The following EXD3 variants were observed in gnomAD, a reference collection of about 807,000 sequenced individuals.
EXD3 encodes the protein exonuclease mut-7 homolog.
A neutral mutation model predicts 98.0 loss-of-function variants in EXD3; 92 were observed. That is an observed-to-expected ratio of 0.94 (90% CI 0.79 to 1.12). The LOEUF is 1.12. Ranked by LOEUF, EXD3 falls within the 50% of genes most tolerant of loss-of-function variation. The pLI is 0.00. For missense variants in EXD3, 1,222 were observed against 1,191.6 expected (o/e 1.03, Z -0.38); for synonymous variants, 569 against 526.0 (o/e 1.08, Z -1.12).
At chr9:137,368,501 G>A (rs978714090) in intron 5 of EXD3, among the ~76,000 whole-genome samples, 3 of 152,190 alleles carry the variant, frequency 2.0e-5, no homozygotes, top group South Asian at 2.1e-4. Context: ...CCCCGCGAGC[G>A]CTCCAAGGCC....
intron 1 of EXD3, among the ~76,000 whole-genome samples, chr9:137,413,870 T>G (rs1016509642): frequency 1.1e-4 from 17 of 151,918 alleles, no homozygotes; most frequent in Non-Finnish European, 2.1e-4. Context: ...CTTTCTATTT[T>G]GGGCATTTCC....
chr9:137,418,496 TAAC>T (rs537201699), intron 1 of EXD3, among the ~76,000 whole-genome samples: 106 of 152,326 alleles, frequency 7.0e-4, no homozygotes, highest in African/African-American at 2.4e-3. Flanking sequence ...TTACATCTGT[TAAC>T]AAAAAAATTT....
chr9:137,392,269 A>C (rs13294749), intron 2 of EXD3: 72,187 of 152,430 alleles, frequency 0.47, 17,298 homozygotes, highest in Middle Eastern at 0.56. Context: ...TGTCCCGATG[A>C]TGCCTCCTGA....
chr9:137,308,554 C>T (rs1209953643), intron 20 of EXD3, among the ~76,000 whole-genome samples: 4 of 151,992 alleles, frequency 2.6e-5, no homozygotes, highest in Non-Finnish European at 5.9e-5. Flanking sequence ...CACCTCCAGC[C>T]TCGCTCTCCG....
At chr9:137,319,967 C>T (rs533736093) in intron 19 of EXD3, among the ~76,000 whole-genome samples, 63 of 152,348 alleles carry the variant, frequency 4.1e-4, no homozygotes, top group African/African-American at 1.2e-3. Flanking sequence ...GACCTGAGGC[C>T]GCATGTGGCG....
At chr9:137,350,945 C>T in intron 14 of EXD3, 93 bp downstream of exon 14, 1 of 1,020,528 alleles carries the variant, frequency 9.8e-7, no homozygotes, top group Non-Finnish European at 1.5e-6. Context: ...GCGGGAGAAG[C>T]CCAGGGCCGC....
Position 137,309,593 on chromosome 9 carries a change from C to T in EXD3, c.2278+14G>A, listed in dbSNP as rs1399079374. The T allele has an allele frequency of 6.4e-7, 1 of 1,552,250 alleles. No individual in the cohort carries two copies. Among genetic ancestry groups the T allele is most frequent in the African/African-American group, 1.4e-5 (1 of 73,286 alleles). On this transcript the variant is annotated intron_variant, in intron 20 of 21. Transcript: ENST00000340951. The stretch of plus-strand genomic sequence containing the variant: ...AGGCCCCCCAGACCCAGTGCCTGAC[C>T]CTGACACACTCACCTGAGCTCCTGG...
intron 7 of EXD3, among the ~76,000 whole-genome samples, chr9:137,358,019 G>A (rs1303814848): frequency 1.3e-5 from 2 of 152,062 alleles, no homozygotes; most frequent in Non-Finnish European, 2.9e-5. Flanking sequence ...GATTAAGGGT[G>A]CGTCTGCCTC....
rs1401691887 is a variant in EXD3 at position 137,307,603 on chromosome 9, C to T, written c.2317+5G>A. 1.2e-6 allele frequency: 2 copies of T among 1,609,808 alleles called. No homozygotes were observed. Among genetic ancestry groups the T allele is most frequent in the African/African-American group, 1.3e-5 (1 of 75,044 alleles). The stretch of plus-strand genomic sequence containing the variant: ...GTGTCCTTGGTGGGCGGTCCCGGGG[C>T]TCACCTGGCTCCTGCACCGCCTGGC... On this transcript the variant is annotated splice_donor_5th_base_variant and intron_variant, in intron 21 of 21. Transcript: ENST00000340951.
chr9:137,320,506 A>T (rs1284408302), intron 19 of EXD3, among the ~76,000 whole-genome samples: 1 of 152,174 alleles, frequency 6.6e-6, no homozygotes, highest in African/African-American at 2.4e-5. Flanking sequence ...TGCTTGCCAC[A>T]GCAGGGGCAG....
intron 5 of EXD3, among the ~76,000 whole-genome samples, chr9:137,368,712 C>A (rs1049277060): frequency 6.6e-6 from 1 of 152,254 alleles, no homozygotes. Flanking sequence ...AGCCTCGAGC[C>A]GGCTTCCAGC....
chr9:137,319,078 C>T (rs569018253), intron 19 of EXD3, among the ~76,000 whole-genome samples: 26 of 152,376 alleles, frequency 1.7e-4, no homozygotes, highest in African/African-American at 5.8e-4. Context: ...CAGCTCTGGC[C>T]GGAGCTAGGG....
At chr9:137,406,668 TC>T (rs1336283569) in intron 1 of EXD3, among the ~76,000 whole-genome samples, 1 of 151,926 alleles carries the variant, frequency 6.6e-6, no homozygotes, top group East Asian at 1.9e-4. Flanking sequence ...AGGCAGCAGG[TC>T]CCCCACCACC....
intron 2 of EXD3, among the ~76,000 whole-genome samples, chr9:137,389,612 A>C (rs1021895316): frequency 6.6e-6 from 1 of 152,172 alleles, no homozygotes; most frequent in Non-Finnish European, 1.5e-5. Context: ...CCACTCAGAG[A>C]CAGTGAGTAC....
Position 137,307,749 on chromosome 9 carries a change from A to C in EXD3, c.2279-103T>G, listed in dbSNP as rs956990602. 2.1e-5 allele frequency: 27 copies of C among 1,302,862 alleles called. 1 individual carries two copies. The highest frequency in any genetic ancestry group is 2.7e-5 in the Non-Finnish European group (25 of 931,990). The allele number at this position is 1,302,862 out of a possible 1,614,324, so 80.7% of individuals were successfully genotyped here. On this transcript the variant is annotated intron_variant, in intron 20 of 21. Coordinates refer to ENST00000340951, the MANE Select transcript of EXD3 (RefSeq NM_017820.5). Reference sequence around the variant, plus strand: ...CCATGCGGCTGAGCACAGTCACCTCATGGGGTGCAGCCTCTTCACACACCC... The same window carrying C: ...CCATGCGGCTGAGCACAGTCACCTCCTGGGGTGCAGCCTCTTCACACACCC...
At chr9:137,355,671 G>GGAGGAAGGAGGACGGAGGAA (rs1564509096) in intron 8 of EXD3, among the ~76,000 whole-genome samples, 1 of 19,084 alleles carries the variant, frequency 5.2e-5, no homozygotes, top group African/African-American at 1.9e-4. Flanking sequence ...GAAGGAGAAA[G>GGAGGAAGGAGGACGGAGGAA]GGAGGATGGA....
At chr9:137,365,144 C>G (rs1334864565) in intron 7 of EXD3, 3 of 151,750 alleles carry the variant, frequency 2.0e-5, no homozygotes, top group Non-Finnish European at 2.9e-5. Context: ...TGGCCTGACG[C>G]TGTGCGGCTG....
chr9:137,370,552 C>T (rs1179674979), intron 5 of EXD3, among the ~76,000 whole-genome samples: 2 of 137,988 alleles, frequency 1.4e-5, no homozygotes, highest in African/African-American at 2.7e-5. Flanking sequence ...CTGGCGGGGT[C>T]GGGGTGGGGC....
chr9:137,422,985 G>T (rs1283692218), intron 1 of EXD3, 129 bp downstream of exon 1: 1 of 152,026 alleles, frequency 6.6e-6, no homozygotes, highest in Non-Finnish European at 1.5e-5. Flanking sequence ...CACCCCGGGA[G>T]AGCCGGCGGC....
Sources: gnomAD v4.1 joint callset for allele counts (sites outside exome capture counted in the v4.1 genomes callset) on GRCh38, gnomAD v4.1.1 for gene constraint, MANE v1.5 for transcripts, NCBI Gene and HGNC (gene_info 2026-07-23, HGNC 2026-07-21) for gene names.